PRKCB: variants seen among roughly 807,000 people sequenced by gnomAD.
PRKCB encodes the protein protein kinase C beta.
Under a neutral mutation model 81.5 loss-of-function variants are expected in PRKCB, and 13 were observed. That is an observed-to-expected ratio of 0.16 (90% confidence interval 0.10 to 0.25). The LOEUF (loss-of-function observed/expected upper bound fraction) is 0.25. Ranked by LOEUF, PRKCB falls within the 10% of genes least tolerant of loss-of-function variation. The pLI, the probability that PRKCB is intolerant of heterozygous loss-of-function variation, is 1.00. For synonymous variants in PRKCB, 335 were observed against 321.4 expected (o/e 1.04, Z -0.45); for missense variants, 509 against 875.7 (o/e 0.58, Z 5.29).
At chr16:24,080,786 T>C (rs11649063) in intron 5 of PRKCB, among the ~76,000 whole-genome samples, 25,492 of 152,138 alleles carry the variant, frequency 0.17, 4,353 homozygotes, top group African/African-American at 0.44. Flanking sequence ...ATATTTTGAA[T>C]TGAAAGAAAA....
chr16:23,969,224 G>A (rs985220829), intron 2 of PRKCB, among the ~76,000 whole-genome samples: 3 of 152,082 alleles, frequency 2.0e-5, no homozygotes, highest in Non-Finnish European at 4.4e-5. Flanking sequence ...GGGCCCACTG[G>A]GAATGGTTGC....
intron 2 of PRKCB, among the ~76,000 whole-genome samples, chr16:23,921,621 C>A (rs946298473): frequency 6.6e-6 from 1 of 151,942 alleles, no homozygotes; most frequent in Admixed American, 6.6e-5. Flanking sequence ...ACCAACATGG[C>A]AAAACCCTGT....
chr16:23,914,867 A>G (rs1300482196), intron 2 of PRKCB, among the ~76,000 whole-genome samples: 1 of 152,214 alleles, frequency 6.6e-6, no homozygotes, highest in Non-Finnish European at 1.5e-5. Context: ...GCTTTTAAGC[A>G]TATATTCTCC....
At chr16:23,838,036 G>A (rs1962198370) in intron 2 of PRKCB, among the ~76,000 whole-genome samples, 1 of 152,192 alleles carries the variant, frequency 6.6e-6, no homozygotes, top group Non-Finnish European at 1.5e-5. Flanking sequence ...TGAGATCCTG[G>A]ACTCTAACCA....
intron 2 of PRKCB, among the ~76,000 whole-genome samples, chr16:23,871,062 C>T (rs182750606): frequency 2.6e-5 from 4 of 152,316 alleles, no homozygotes; most frequent in East Asian, 1.9e-4. Context: ...GAGAACACAA[C>T]GGTACTGCAG....
At chr16:24,134,937 A>G (rs984903742) in intron 9 of PRKCB, among the ~76,000 whole-genome samples, 18 of 151,538 alleles carry the variant, frequency 1.2e-4, no homozygotes, top group African/African-American at 3.6e-4. Flanking sequence ...CTGCATAATG[A>G]CATTTGTGGG....
chr16:23,954,626 T>C (rs921968983), intron 2 of PRKCB, among the ~76,000 whole-genome samples: 2 of 152,232 alleles, frequency 1.3e-5, no homozygotes, highest in Non-Finnish European at 2.9e-5. Flanking sequence ...CACTAGAGCC[T>C]GAACACCTTA....
chr16:24,009,465 C>T (rs946285779), intron 3 of PRKCB, among the ~76,000 whole-genome samples: 3 of 148,822 alleles, frequency 2.0e-5, no homozygotes, highest in African/African-American at 7.5e-5. Flanking sequence ...TGCTCTGTTG[C>T]CCAGGCTGGA....
intron 2 of PRKCB, among the ~76,000 whole-genome samples, chr16:23,871,426 T>C (rs1262224872): frequency 1.3e-5 from 2 of 152,166 alleles, no homozygotes; most frequent in African/African-American, 2.4e-5. Flanking sequence ...TCTAAGCTCG[T>C]TCCTGCCCCT....
intron 2 of PRKCB, among the ~76,000 whole-genome samples, chr16:23,945,704 T>C (rs1005578672): frequency 4.6e-5 from 7 of 151,756 alleles, no homozygotes; most frequent in African/African-American, 1.7e-4. Context: ...GATAAATGTT[T>C]AGTAGTTGGC....
In PRKCB at chr16:24,086,417, T is replaced by C. The variant is rs529430790; in HGVS notation, c.530-6374T>C. 2.0e-5 allele frequency among the ~76,000 whole-genome samples: 3 copies of C among 152,298 alleles called. No homozygotes were observed. In the East Asian group the frequency reaches 5.8e-4, roughly 29 times the overall value. ...GTTTAGTCTCTCCCTCCAACCCTGGTTAGGGCATGTGCTGAGGATGTCCAG... is the reference window on the plus strand; with the variant it reads ...GTTTAGTCTCTCCCTCCAACCCTGGCTAGGGCATGTGCTGAGGATGTCCAG... On this transcript the variant is annotated intron_variant, in intron 5 of 16. Coordinates refer to ENST00000643927, the MANE Select transcript of PRKCB (RefSeq NM_002738.7).
intron 2 of PRKCB, among the ~76,000 whole-genome samples, chr16:23,859,071 G>A (rs1962620311): frequency 1.3e-5 from 2 of 152,174 alleles, no homozygotes; most frequent in South Asian, 4.1e-4. Context: ...GGTTGAGGCT[G>A]TAGTGAGCTT....
intron 2 of PRKCB, among the ~76,000 whole-genome samples, chr16:23,884,165 A>T (rs971233390): frequency 6.6e-6 from 1 of 152,178 alleles, no homozygotes; most frequent in Admixed American, 6.5e-5. Flanking sequence ...GAGGAAAGAG[A>T]GTCTCAGAGA....
chr16:24,190,541 T>C (rs1464539767), intron 15 of PRKCB, among the ~76,000 whole-genome samples: 6 of 148,658 alleles, frequency 4.0e-5, no homozygotes, highest in Admixed American at 6.7e-5. Flanking sequence ...TTTTTTGAGA[T>C]GGAGTCTCTC....
At chr16:23,896,047 G>T (rs1963372773) in intron 2 of PRKCB, among the ~76,000 whole-genome samples, 1 of 145,188 alleles carries the variant, frequency 6.9e-6, no homozygotes, top group South Asian at 2.2e-4. Context: ...ATGAATCTTT[G>T]TCCTTTAATG....
intron 3 of PRKCB, among the ~76,000 whole-genome samples, chr16:24,014,626 T>C (rs567300173): frequency 6.6e-6 from 1 of 152,306 alleles, no homozygotes; most frequent in Non-Finnish European, 1.5e-5. Context: ...CTAAGCATCA[T>C]CATTGTGATT....
chr16:23,849,601 G>A (rs60979380), intron 2 of PRKCB, among the ~76,000 whole-genome samples: 12,252 of 152,116 alleles, frequency 0.081, 1,644 homozygotes, highest in African/African-American at 0.28. Flanking sequence ...GAGACAAACA[G>A]TGCACTTAGG....
intron 2 of PRKCB, among the ~76,000 whole-genome samples, chr16:23,913,461 T>C (rs147658227): frequency 5.5e-4 from 83 of 152,218 alleles, no homozygotes; most frequent in African/African-American, 1.9e-3. Context: ...CCTTCAATGG[T>C]GCCCACTATT....
intron 7 of PRKCB, among the ~76,000 whole-genome samples, chr16:24,106,012 A>G (rs775504092): frequency 1.3e-5 from 2 of 151,306 alleles, no homozygotes; most frequent in Non-Finnish European, 2.9e-5. Context: ...TTCTAAACAG[A>G]TAACTATTAT....
Sources: gnomAD v4.1 joint callset for allele counts (sites outside exome capture counted in the v4.1 genomes callset) on GRCh38, gnomAD v4.1.1 for gene constraint, MANE v1.5 for transcripts, NCBI Gene and HGNC (gene_info 2026-07-23, HGNC 2026-07-21) for gene names.